ADAMTS12: variants seen among roughly 807,000 people sequenced by gnomAD.
ADAMTS12 encodes A disintegrin and metalloproteinase with thrombospondin motifs 12.
Under a neutral mutation model 167.8 loss-of-function variants are expected in ADAMTS12, and 118 were observed. The observed-to-expected ratio is 0.70, with a 90% confidence interval of 0.61 to 0.82. The LOEUF is 0.82. Among genes scored for constraint, ADAMTS12 ranks in the 40% least tolerant of loss-of-function variants. ADAMTS12 has a pLI of 0.00. For synonymous variants in ADAMTS12, 704 were observed against 716.9 expected (o/e 0.98, Z 0.29); for missense variants, 1,916 against 1,998.8 (o/e 0.96, Z 0.79).
intron 8 of ADAMTS12, 131 bp from the exon 9 acceptor site, chr5:33,649,097 G>T: frequency 9.3e-7 from 1 of 1,069,932 alleles, no homozygotes; most frequent in Non-Finnish European, 1.3e-6. Flanking sequence ...ACAAGGCAGA[G>T]AACTCTCTAG....
At chr5:33,685,854 C>G (rs995728545) in intron 3 of ADAMTS12, among the ~76,000 whole-genome samples, 1 of 151,998 alleles carries the variant, frequency 6.6e-6, no homozygotes. Context: ...TTCTGAAACC[C>G]CCTCCCTCAT....
At chr5:33,809,271 CGGTCCTT>C (rs1243280358) in intron 2 of ADAMTS12, among the ~76,000 whole-genome samples, 5 of 152,120 alleles carry the variant, frequency 3.3e-5, no homozygotes, top group African/African-American at 1.2e-4. Flanking sequence ...CTGGTGCTGC[CGGTCCTT>C]GGACCACAGT....
intron 2 of ADAMTS12, among the ~76,000 whole-genome samples, chr5:33,778,552 A>C (rs543855824): frequency 1.3e-5 from 2 of 152,278 alleles, no homozygotes; most frequent in African/African-American, 2.4e-5. Context: ...AAAACCTAAA[A>C]CTAAAACTAC....
chr5:33,679,202 A>G (rs188788976), intron 5 of ADAMTS12, among the ~76,000 whole-genome samples: 132 of 152,336 alleles, frequency 8.7e-4, no homozygotes, highest in African/African-American at 3.1e-3. Flanking sequence ...TGATATGTCC[A>G]CTGCCTCTCA....
At chr5:33,715,954 C>T (rs1484934355) in intron 3 of ADAMTS12, among the ~76,000 whole-genome samples, 1 of 151,980 alleles carries the variant, frequency 6.6e-6, no homozygotes, top group Non-Finnish European at 1.5e-5. Flanking sequence ...TAATAAGGGC[C>T]CAGGCATTTT....
At chr5:33,596,753 T>C (rs1737905290) in intron 16 of ADAMTS12, among the ~76,000 whole-genome samples, 1 of 152,240 alleles carries the variant, frequency 6.6e-6, no homozygotes, top group Non-Finnish European at 1.5e-5. Context: ...GCTACATTAT[T>C]AGCGTAATTA....
chr5:33,695,480 G>A (rs4866369), intron 3 of ADAMTS12, among the ~76,000 whole-genome samples: 27,323 of 151,978 alleles, frequency 0.18, 2,539 homozygotes, highest in East Asian at 0.25. Context: ...ATAAAATGTC[G>A]TATATACAAT....
In ADAMTS12 at chr5:33,772,537, C is replaced by T. The variant is rs1745784821; in HGVS notation, c.490-20989G>A. ...GTCAGGAGATTGAGCAAAAATAATT[C>T]CAGAATTAAGAAAAGAGAAGACAGT... On this transcript the variant is annotated intron_variant, in intron 2 of 23. Coordinates refer to ENST00000504830, the MANE Select transcript of ADAMTS12 (RefSeq NM_030955.4). 2.6e-5 allele frequency among the ~76,000 whole-genome samples: 4 copies of T among 152,258 alleles called. No homozygotes were observed. In the South Asian group the frequency reaches 8.3e-4, roughly 32 times the overall value.
chr5:33,637,836 T>C (rs1740269890), intron 11 of ADAMTS12, 90 bp from the exon 12 acceptor site: 1 of 1,393,628 alleles, frequency 7.2e-7, no homozygotes, highest in Non-Finnish European at 9.8e-7. Flanking sequence ...CCTTGACAAA[T>C]GATGTCTCTC....
chr5:33,843,404 G>A (rs1748820948), intron 2 of ADAMTS12, among the ~76,000 whole-genome samples: 1 of 151,338 alleles, frequency 6.6e-6, no homozygotes, highest in Non-Finnish European at 1.5e-5. Flanking sequence ...AGCCCAAGCA[G>A]GGTGAGGAGG....
intron 3 of ADAMTS12, among the ~76,000 whole-genome samples, chr5:33,712,980 A>C (rs1056840723): frequency 6.6e-6 from 1 of 152,146 alleles, no homozygotes; most frequent in African/African-American, 2.4e-5. Context: ...ATTTTAAAAT[A>C]AATTTAGGAC....
At chr5:33,804,261 G>A (rs781512687) in intron 2 of ADAMTS12, among the ~76,000 whole-genome samples, 7 of 152,072 alleles carry the variant, frequency 4.6e-5, no homozygotes, top group Non-Finnish European at 1.0e-4. Context: ...CCTTGACTTT[G>A]GGCTCATCTA....
chr5:33,768,642 T>C (rs1176644404), intron 2 of ADAMTS12, among the ~76,000 whole-genome samples: 1 of 152,198 alleles, frequency 6.6e-6, no homozygotes, highest in African/African-American at 2.4e-5. Context: ...TTATAAGGTT[T>C]TTAATGTCCA....
chr5:33,687,965 A>G (rs1217994270), intron 3 of ADAMTS12, among the ~76,000 whole-genome samples: 1 of 152,148 alleles, frequency 6.6e-6, no homozygotes, highest in Non-Finnish European at 1.5e-5. Context: ...CTCAGCTGGC[A>G]TAGCTTCTGG....
At chr5:33,675,534 C>T (rs958942368) in intron 5 of ADAMTS12, among the ~76,000 whole-genome samples, 2 of 152,190 alleles carry the variant, frequency 1.3e-5, no homozygotes, top group Non-Finnish European at 2.9e-5. Flanking sequence ...TTCTTGCTTT[C>T]TTCCTATTCC....
At chr5:33,551,755 GGAA>G (rs1339239516) in intron 20 of ADAMTS12, among the ~76,000 whole-genome samples, 1 of 152,122 alleles carries the variant, frequency 6.6e-6, no homozygotes, top group Non-Finnish European at 1.5e-5. Flanking sequence ...CAGTAATAAG[GGAA>G]GACACTCACT....
Position 33,615,927 on chromosome 5 carries a change from C to T in ADAMTS12, c.2289G>A (p.Gly763=). 4 of 1,614,166 alleles carry T rather than the reference C, an allele frequency of 2.5e-6. No homozygotes were observed. Among genetic ancestry groups the T allele is most frequent in the Non-Finnish European group, 3.4e-6 (4 of 1,180,010 alleles). Residue 763 remains glycine (G), a synonymous_variant, in exon 15 of 24, where the codon GGG becomes GGA. Transcript: ENST00000504830. The stretch of plus-strand genomic sequence containing the variant: ...AGACAGTCCCTGCCAGCTTATAGTT[C>T]CCGTTCCACTGGATAATAAACCCTC... The part of the protein sequence containing the change: ...LNGGFIIQWN[G]NYKLAGTVFQ...
chr5:33,580,805 T>G (rs1427068179), intron 18 of ADAMTS12, among the ~76,000 whole-genome samples: 1 of 152,186 alleles, frequency 6.6e-6, no homozygotes, highest in African/African-American at 2.4e-5. Flanking sequence ...TTGACTTCTC[T>G]TGGAAAAGCT....
intron 2 of ADAMTS12, among the ~76,000 whole-genome samples, chr5:33,760,921 G>GTGTGTGCA (rs1491317896): frequency 7.8e-5 from 10 of 128,280 alleles, no homozygotes; most frequent in African/African-American, 3.6e-4. Flanking sequence ...GTGTGTGTGT[G>GTGTGTGCA]CGTATGCGCT....
Sources: gnomAD v4.1 joint callset for allele counts (sites outside exome capture counted in the v4.1 genomes callset) on GRCh38, gnomAD v4.1.1 for gene constraint, MANE v1.5 for transcripts, NCBI Gene and HGNC (gene_info 2026-07-23, HGNC 2026-07-21) for gene names.